Variants in DPYD observed in about 807,000 individuals in gnomAD.
The protein encoded by DPYD is dihydropyrimidine dehydrogenase [NADP(+)].
DPYD carries 109 observed loss-of-function variants against 116.2 expected under a neutral mutation model. That is an observed-to-expected ratio of 0.94 (90% CI 0.80 to 1.10). The LOEUF (loss-of-function observed/expected upper bound fraction) is 1.10, where lower values mean the gene tolerates loss of function less well. Among genes scored for constraint, DPYD ranks in the 50% least tolerant of loss-of-function variants. The probability of loss-of-function intolerance (pLI) is 0.00; values close to 1 mark genes in which losing one functional copy is unlikely to be tolerated. For synonymous variants in DPYD, 440 were observed against 432.0 expected, an observed-to-expected ratio of 1.02 and a Z score of -0.23; for missense variants, 1,302 against 1,254.5, an observed-to-expected ratio of 1.04 and a Z score of -0.57.
rs1246126253 is a variant in DPYD, at chr1:97,525,456, C to T, written c.1525-9515G>A. On this transcript the variant is annotated intron_variant, in intron 12 of 22. Transcript: ENST00000370192. ...CTGTACTTATTTGCTTACATATATGCTATCTCCCGCTTGATTTAATTTCAG... is the reference window on the plus strand; with the variant it reads ...CTGTACTTATTTGCTTACATATATGTTATCTCCCGCTTGATTTAATTTCAG... 2.0e-5 allele frequency among the ~76,000 whole-genome samples: 3 copies of T among 152,084 alleles called. No homozygotes were observed. In the East Asian group the frequency reaches 5.8e-4, roughly 29 times the overall value.
Position 97,162,823 on chromosome 1 carries a change from G to A in DPYD, c.2622+30246C>T, listed in dbSNP as rs61786267. Among the ~76,000 whole-genome samples, 8 of 151,718 alleles carry A rather than the reference G, an allele frequency of 5.3e-5. No homozygotes were observed. In the South Asian group the frequency reaches 1.0e-3, roughly 20 times the overall value. On this transcript the variant is annotated intron_variant, in intron 20 of 22. Coordinates refer to ENST00000370192, the MANE Select transcript of DPYD (RefSeq NM_000110.4). ...ACAGAACAGAACCCTCAGAAATAACGCCACATATCTACAACTATCTGATCT... is the reference window on the plus strand; with the variant it reads ...ACAGAACAGAACCCTCAGAAATAACACCACATATCTACAACTATCTGATCT...
intron 10 of DPYD, among the ~76,000 whole-genome samples, chr1:97,577,184 T>C (rs1258822615): frequency 6.6e-6 from 1 of 152,184 alleles, no homozygotes; most frequent in African/African-American, 2.4e-5. Context: ...GAAGAAAGAT[T>C]CAGTCACCCT....
intron 18 of DPYD, among the ~76,000 whole-genome samples, chr1:97,292,857 CATT>C (rs771896199): frequency 3.4e-4 from 52 of 152,030 alleles, no homozygotes; most frequent in Non-Finnish European, 2.6e-4. Context: ...CAACACAAGG[CATT>C]GTTGTTGGCC....
At chr1:97,629,228 C>G (rs1459148758) in intron 8 of DPYD, among the ~76,000 whole-genome samples, 1 of 152,090 alleles carries the variant, frequency 6.6e-6, no homozygotes, top group Non-Finnish European at 1.5e-5. Context: ...TGTTACCACT[C>G]TCTTAGCTTG....
At chr1:97,883,749 AT>A (rs1672342921) in intron 1 of DPYD, 5 of 371,800 alleles carry the variant, frequency 1.3e-5, no homozygotes, top group Non-Finnish European at 5.1e-6. Flanking sequence ...GTCTGGTAGC[AT>A]TTTTAGGAAT....
intron 12 of DPYD, chr1:97,545,991 G>C (rs760584550): frequency 1.6e-5 from 21 of 1,336,494 alleles, no homozygotes; most frequent in Non-Finnish European, 2.3e-5. Flanking sequence ...GGTTATGGCT[G>C]TCCTTGGGAG....
chr1:97,380,407 T>G (rs1671885656), intron 15 of DPYD, among the ~76,000 whole-genome samples: 1 of 152,212 alleles, frequency 6.6e-6, no homozygotes, highest in African/African-American at 2.4e-5. Flanking sequence ...TAGAAACTTC[T>G]TTGTGGTGCT....
chr1:97,855,957 C>T (rs1395318277), intron 2 of DPYD: 2 of 152,188 alleles, frequency 1.3e-5, no homozygotes, highest in Non-Finnish European at 2.9e-5. Context: ...GACTGGGCTA[C>T]TGTTCTTGGA....
intron 16 of DPYD, 136 bp from the exon 17 acceptor site, chr1:97,306,433 T>A: frequency 8.4e-7 from 1 of 1,193,888 alleles, no homozygotes; most frequent in East Asian, 2.4e-5. Flanking sequence ...ATTTCTCAAA[T>A]TCCTCCTCAG....
At chr1:97,195,964 G>T (rs1658781904) in intron 19 of DPYD, among the ~76,000 whole-genome samples, 1 of 151,730 alleles carries the variant, frequency 6.6e-6, no homozygotes, top group African/African-American at 2.4e-5. Flanking sequence ...GTAGATGCCG[G>T]TTTTTTTGGT....
At chr1:97,571,168 A>C (rs905680451) in intron 11 of DPYD, among the ~76,000 whole-genome samples, 4 of 152,004 alleles carry the variant, frequency 2.6e-5, no homozygotes, top group African/African-American at 9.7e-5. Context: ...ACAAATTCTG[A>C]ACTTTGGAAA....
intron 6 of DPYD, among the ~76,000 whole-genome samples, chr1:97,696,806 A>G (rs12119882): frequency 0.075 from 11,409 of 152,198 alleles, 643 homozygotes; most frequent in East Asian, 0.28. Flanking sequence ...TAGAGATAAT[A>G]GACTTAAATT....
intron 2 of DPYD, among the ~76,000 whole-genome samples, chr1:97,853,778 G>C (rs953453173): frequency 1.3e-5 from 2 of 152,150 alleles, no homozygotes; most frequent in African/African-American, 4.8e-5. Flanking sequence ...CTAAGATTGC[G>C]TAGTTAACAT....
intron 1 of DPYD, among the ~76,000 whole-genome samples, chr1:97,886,607 T>A (rs1443082192): frequency 6.6e-6 from 1 of 151,916 alleles, no homozygotes; most frequent in Non-Finnish European, 1.5e-5. Context: ...ATTGTCACTA[T>A]CCTCAGCTCT....
At chr1:97,844,298 T>G (rs547369142) in intron 2 of DPYD, among the ~76,000 whole-genome samples, 1 of 152,304 alleles carries the variant, frequency 6.6e-6, no homozygotes, top group African/African-American at 2.4e-5. Flanking sequence ...AAGTCGTAAG[T>G]GTCTTTTTGT....
chr1:97,435,124 C>A (rs1470622325), intron 14 of DPYD, among the ~76,000 whole-genome samples: 1 of 151,720 alleles, frequency 6.6e-6, no homozygotes, highest in Non-Finnish European at 1.5e-5. Flanking sequence ...CTCTTTTTTT[C>A]TTCTTCCTTG....
chr1:97,333,060 CT>C (rs10681575), intron 16 of DPYD, among the ~76,000 whole-genome samples: 226 of 133,800 alleles, frequency 1.7e-3, no homozygotes, highest in Middle Eastern at 3.9e-3. Flanking sequence ...ACTGCTAATT[CT>C]TTTTTTTTTT....
rs191522077 is a variant in DPYD at position 97,277,072 on chromosome 1, T to C, written c.2299+28187A>G. Among the ~76,000 whole-genome samples, 3 of 152,244 alleles carry C rather than the reference T, an allele frequency of 2.0e-5. No individual in the cohort carries two copies. The East Asian group carries it at 5.8e-4, about 29-fold the overall frequency. On this transcript the variant is annotated intron_variant, in intron 18 of 22. Transcript: ENST00000370192. Reference sequence around the variant, plus strand: ...TCTTTTGAAGCAACCTGGATGCATCTGGAGGCCATTATCCTAAGTGAATTA... The same window carrying C: ...TCTTTTGAAGCAACCTGGATGCATCCGGAGGCCATTATCCTAAGTGAATTA...
Position 97,653,555 on chromosome 1 carries a change from G to A in DPYD, c.850+25540C>T, listed in dbSNP as rs768353209. ...CCTGACCTCGTGATCTGCCCGCCTC[G>A]GCCTCCCAAAGTGCTGGGATTACAG... On this transcript the variant is annotated intron_variant, in intron 8 of 22. Transcript: ENST00000370192. Among the ~76,000 whole-genome samples the A allele has an allele frequency of 3.9e-5, 6 of 151,932 alleles. No homozygotes were observed. The South Asian group carries it at 6.2e-4, about 16-fold the overall frequency.
Sources: gnomAD v4.1 joint callset for allele counts (sites outside exome capture counted in the v4.1 genomes callset) on GRCh38, gnomAD v4.1.1 for gene constraint, MANE v1.5 for transcripts, NCBI Gene and HGNC (gene_info 2026-07-23, HGNC 2026-07-21) for gene names.